The following ARID5B variants were observed in gnomAD, a reference collection of about 807,000 sequenced individuals.
ARID5B encodes AT-rich interaction domain 5B, also known as AT-rich interactive domain-containing protein 5B.
Under a neutral mutation model 97.2 loss-of-function variants are expected in ARID5B, and 13 were observed. That is an observed-to-expected ratio of 0.13 (90% CI 0.09 to 0.21). The LOEUF is 0.21. Among genes scored for constraint, ARID5B ranks in the 10% least tolerant of loss-of-function variants. The pLI, the probability that ARID5B is intolerant of heterozygous loss-of-function variation, is 1.00. For missense variants in ARID5B, 1,210 were observed against 1,465.3 expected, an observed-to-expected ratio of 0.83 and a Z score of 2.84; for synonymous variants, 556 against 570.3, an observed-to-expected ratio of 0.97 and a Z score of 0.36.
At chr10:61,927,082 T>C (rs1844120454) in intron 2 of ARID5B, among the ~76,000 whole-genome samples, 1 of 152,162 alleles carries the variant, frequency 6.6e-6, no homozygotes, top group Admixed American at 6.5e-5. Flanking sequence ...TTATTGTTCC[T>C]AGACAAAGAA....
intron 7 of ARID5B, among the ~76,000 whole-genome samples, chr10:62,062,895 T>C (rs74159511): frequency 6.6e-6 from 1 of 151,866 alleles, no homozygotes; most frequent in Non-Finnish European, 1.5e-5. Context: ...GGGATCATCA[T>C]GGCTTTCTTC....
In ARID5B at chr10:62,092,499, C is replaced by G; in HGVS notation, c.3036C>G (p.Ile1012Met). The G allele has an allele frequency of 6.2e-7, 1 of 1,614,160 alleles. No individual in the cohort carries two copies. Among genetic ancestry groups the G allele is most frequent in the Non-Finnish European group, 8.5e-7 (1 of 1,180,014 alleles). The change falls in exon 10 of 10, where the codon ATC becomes ATG. Residue 1012 changes from isoleucine (I) to methionine (M), a missense_variant. This residue lies in a region of ARID5B where 800 missense variants were observed against 839.1 expected (regional missense o/e 0.95). Transcript: ENST00000279873. ...AGAACATTGGGGCGGCGCGGCCGAT[C>G]AAGCGCAGCCTGGAGGATTTGGACC... ...SPQNIGAARP[I>M]KRSLEDLDLV...
chr10:62,069,711 C>T lies in ARID5B; in HGVS notation c.1113C>T (p.Arg371=). The T allele has an allele frequency of 3.1e-6, 5 of 1,614,046 alleles. No individual in the cohort carries two copies. The highest frequency in any genetic ancestry group is 4.2e-6 in the Non-Finnish European group (5 of 1,179,952). The change falls in exon 8 of 10, where the codon CGC becomes CGT. Residue 371 remains arginine, a synonymous_variant. Coordinates refer to ENST00000279873, the MANE Select transcript of ARID5B (RefSeq NM_032199.3). The stretch of plus-strand genomic sequence containing the variant: ...TGCCATTTTTTCAGATAACAGCCCG[C>T]CGTCAGTGGAAACATATTTATGATG... ...KLGGYETITA[R]RQWKHIYDEL... is the part of the protein sequence containing the mutation.
chr10:61,919,190 C>G (rs1395833486), intron 2 of ARID5B, among the ~76,000 whole-genome samples: 2 of 152,242 alleles, frequency 1.3e-5, no homozygotes, highest in East Asian at 3.9e-4. Flanking sequence ...CCACCCTGCC[C>G]TTTCATGATG....
chr10:62,073,619 A>G (rs1203411169), intron 8 of ARID5B, among the ~76,000 whole-genome samples: 1 of 152,136 alleles, frequency 6.6e-6, no homozygotes, highest in Non-Finnish European at 1.5e-5. Context: ...AAATCTATTC[A>G]TCTCTGTCAG....
At chr10:61,976,849 ACTTT>A (rs1277378318) in intron 3 of ARID5B, among the ~76,000 whole-genome samples, 3 of 110,886 alleles carry the variant, frequency 2.7e-5, no homozygotes, top group East Asian at 2.5e-4. Flanking sequence ...TGGGAGAGAA[ACTTT>A]CTTTCTTTTT....
Position 62,091,218 on chromosome 10 carries a change from C to G in ARID5B, c.1755C>G (p.Ser585Arg). 6.2e-7 allele frequency: 1 copy of G among 1,614,138 alleles called. No homozygotes were observed. Among genetic ancestry groups the G allele is most frequent in the Non-Finnish European group, 8.5e-7 (1 of 1,180,006 alleles). ...QESKLCCFTE[S>R]PESEPQEASF... ...CCAAACTGTGCTGTTTTACAGAGAG[C>G]CCTGAAAGTGAACCCCAAGAAGCAT... is the stretch of plus-strand genomic sequence containing the variant. Residue 585 changes from serine to arginine, a missense_variant, in exon 10 of 10, where the codon AGC (serine) becomes AGG (arginine). Transcript: ENST00000279873.
At chr10:62,087,749 A>G (rs529964303) in intron 9 of ARID5B, among the ~76,000 whole-genome samples, 2 of 152,324 alleles carry the variant, frequency 1.3e-5, no homozygotes, top group African/African-American at 4.8e-5. Flanking sequence ...TGACTCTTAC[A>G]TAAGAAAATA....
intron 4 of ARID5B, among the ~76,000 whole-genome samples, chr10:62,013,602 G>GT (rs894457135): frequency 6.6e-6 from 1 of 151,806 alleles, no homozygotes; most frequent in Non-Finnish European, 1.5e-5. Context: ...CCAGCCCCTG[G>GT]TGACCACCAT....
At chr10:61,946,509 C>A (rs1844501161) in intron 3 of ARID5B, among the ~76,000 whole-genome samples, 1 of 152,146 alleles carries the variant, frequency 6.6e-6, no homozygotes, top group South Asian at 2.1e-4. Context: ...GCTTGGATTG[C>A]TGGCCTAAGT....
intron 3 of ARID5B, among the ~76,000 whole-genome samples, chr10:61,971,074 T>C (rs1838620715): frequency 6.6e-6 from 1 of 152,066 alleles, no homozygotes; most frequent in Non-Finnish European, 1.5e-5. Context: ...AAACAGTGAT[T>C]TATCTGTTAA....
chr10:61,981,785 G>A (rs1479442751), intron 3 of ARID5B, among the ~76,000 whole-genome samples: 1 of 152,134 alleles, frequency 6.6e-6, no homozygotes, highest in East Asian at 1.9e-4. Context: ...CTCAATGCAG[G>A]TCTCTTAACA....
intron 9 of ARID5B, among the ~76,000 whole-genome samples, chr10:62,088,164 G>T (rs541584126): frequency 6.6e-6 from 1 of 152,188 alleles, no homozygotes; most frequent in South Asian, 2.1e-4. Flanking sequence ...ACCGTCCCTG[G>T]CCAGATGATG....
At chr10:61,997,266 A>G (rs1195152680) in intron 3 of ARID5B, among the ~76,000 whole-genome samples, 1 of 151,720 alleles carries the variant, frequency 6.6e-6, no homozygotes, top group Non-Finnish European at 1.5e-5. Context: ...AACTAGGATG[A>G]GGTGGAGAGA....
intron 4 of ARID5B, among the ~76,000 whole-genome samples, chr10:62,046,211 A>G (rs961031434): frequency 3.3e-5 from 5 of 152,194 alleles, no homozygotes; most frequent in Admixed American, 6.5e-5. Flanking sequence ...AAAAAAAGAG[A>G]CGGTCATGAC....
chr10:62,031,031 C>T (rs938026964), intron 4 of ARID5B, among the ~76,000 whole-genome samples: 2 of 152,034 alleles, frequency 1.3e-5, no homozygotes, highest in South Asian at 2.1e-4. Context: ...GTCAGGAGAT[C>T]GAGACCATCC....
intron 3 of ARID5B, among the ~76,000 whole-genome samples, chr10:61,989,665 A>C (rs1329532697): frequency 6.6e-6 from 1 of 152,218 alleles, no homozygotes; most frequent in African/African-American, 2.4e-5. Flanking sequence ...AGTTTATGTC[A>C]AAAAATCTGG....
intron 2 of ARID5B, among the ~76,000 whole-genome samples, chr10:61,919,586 A>C (rs190466420): frequency 6.6e-6 from 1 of 152,366 alleles, no homozygotes; most frequent in Non-Finnish European, 1.5e-5. Context: ...ACTAGAATTC[A>C]GATGAAAACA....
At chr10:61,946,112 T>C (rs986741610) in intron 3 of ARID5B, among the ~76,000 whole-genome samples, 2 of 150,526 alleles carry the variant, frequency 1.3e-5, no homozygotes, top group African/African-American at 4.9e-5. Flanking sequence ...TTTATCCTCC[T>C]GAAAATTCTG....
Sources: allele counts gnomAD v4.1 joint callset (sites outside exome capture counted in the v4.1 genomes callset), GRCh38; gene constraint gnomAD v4.1.1; regional missense constraint gnomAD v4.1.1; transcripts MANE v1.5; gene names NCBI Gene and HGNC (gene_info 2026-07-23, HGNC 2026-07-21).